Variants in PLEKHS1 observed in about 807,000 individuals in gnomAD.
PLEKHS1 encodes pleckstrin homology domain containing S1, also known as pleckstrin homology domain-containing family S member 1.
PLEKHS1 carries 55 observed loss-of-function variants against 51.0 expected under a neutral mutation model. That is an observed-to-expected ratio of 1.08 (90% CI 0.87 to 1.35). The LOEUF is 1.35. PLEKHS1 is among the 40% of genes most tolerant of loss of function. PLEKHS1 has a pLI of 0.00. For missense variants in PLEKHS1, 398 were observed against 423.0 expected, an observed-to-expected ratio of 0.94 and a Z score of 0.52; for synonymous variants, 153 against 144.8, an observed-to-expected ratio of 1.06 and a Z score of -0.41.
At chr10:113,755,286 C>G in exon 2 of PLEKHS1, 1 of 1,608,206 alleles carries the variant, frequency 6.2e-7, no homozygotes, top group Non-Finnish European at 8.5e-7. Flanking sequence ...TCATGGAACC[C>G]AAACCTCAGA....
In PLEKHS1 at chr10:113,769,821, A is replaced by G. The variant is rs768116936; in HGVS notation, c.473A>G (p.Tyr158Cys). 11 of 1,613,704 alleles carry G rather than the reference A, an allele frequency of 6.8e-6. No individual in the cohort carries two copies. Among genetic ancestry groups the G allele is most frequent in the Admixed American group, 3.3e-5 (2 of 59,970 alleles). Reference sequence around the variant, plus strand: ...TTGGGTAATAAAAGAACCCTCTTCTACTCCAGCCCTCTCCTTGGCCCTTCC... The same window carrying G: ...TTGGGTAATAAAAGAACCCTCTTCTGCTCCAGCCCTCTCCTTGGCCCTTCC... The change falls in exon 7 of 12, where the codon TAC (tyrosine) becomes TGC (cysteine). Residue 158 changes from tyrosine (Y) to cysteine (C), a missense_variant. By Grantham distance (194) the Tyr-to-Cys change is radical. Coordinates refer to ENST00000361048, the Ensembl canonical transcript of PLEKHS1.
intron 9 of PLEKHS1, 142 bp from the exon 10 acceptor site, chr10:113,774,684 G>C: frequency 1.4e-6 from 1 of 709,446 alleles, no homozygotes; most frequent in Non-Finnish European, 2.4e-6. Flanking sequence ...TGCTAGCTGT[G>C]GCTGTGATTC....
intron 11 of PLEKHS1, 41 bp from the exon 13 acceptor site, chr10:113,780,561 T>C: frequency 1.3e-6 from 2 of 1,571,504 alleles, no homozygotes; most frequent in Non-Finnish European, 1.7e-6. Flanking sequence ...ATCTTAAAGA[T>C]AATCTTTAGC....
At chr10:113,770,982 C>CT (rs1032097251) in intron 7 of PLEKHS1, among the ~76,000 whole-genome samples, 1 of 152,196 alleles carries the variant, frequency 6.6e-6, no homozygotes, top group African/African-American at 2.4e-5. Context: ...ATGGACAGAA[C>CT]TTAAACACAC....
intron 2 of PLEKHS1, among the ~76,000 whole-genome samples, chr10:113,758,551 G>A (rs1843776931): frequency 6.6e-6 from 1 of 152,182 alleles, no homozygotes; most frequent in Admixed American, 6.5e-5. Context: ...CACAAGTAGA[G>A]TAGATTTAGT....
At chr10:113,766,850 C>T (rs1844185646) in intron 4 of PLEKHS1, 132 bp downstream of exon 4, 1 of 662,636 alleles carries the variant, frequency 1.5e-6, no homozygotes, top group African/African-American at 1.9e-5. Flanking sequence ...ATATTTGTGA[C>T]TGAATAGGAG....
rs1213420117 is a variant in PLEKHS1 at position 113,780,642 on chromosome 10, C to G, written c.*40C>G. The G allele has an allele frequency of 3.1e-6, 5 of 1,613,936 alleles. No individual in the cohort carries two copies. In the African/African-American group the frequency reaches 6.7e-5, roughly 22 times the overall value. ...ATCGGCAGGATCCCAAATTCAGAGA[C>G]ATTCCATGCTGCATCCTGTATGTGT... is the stretch of plus-strand genomic sequence containing the variant. On this transcript the variant is annotated 3_prime_UTR_variant, in exon 12 of 12. Coordinates refer to ENST00000361048, the Ensembl canonical transcript of PLEKHS1.
intron 6 of PLEKHS1, 68 bp downstream of exon 6, chr10:113,768,958 G>T (rs1278812346): frequency 4.8e-6 from 6 of 1,252,194 alleles, no homozygotes; most frequent in Non-Finnish European, 6.7e-6. Flanking sequence ...GAAAACAATG[G>T]TAGCTTTCCT....
rs776090416 is a variant in PLEKHS1 at position 113,768,806 on chromosome 10, TG to T, written c.360-8del. On this transcript the variant is annotated splice_polypyrimidine_tract_variant and splice_region_variant and intron_variant, in intron 5 of 11. Transcript: ENST00000361048. ...CACATGCCAACTGAAAGTTTATTCC[TG>T]TCAACAGGGAGAAGATTAAAGACTG... The T allele has an allele frequency of 6.2e-7, 1 of 1,610,824 alleles. No individual in the cohort carries two copies. The highest frequency in any genetic ancestry group is 1.1e-5 in the South Asian group (1 of 90,372).
chr10:113,759,932 T>G (rs1564817213), intron 2 of PLEKHS1, among the ~76,000 whole-genome samples: 1 of 152,198 alleles, frequency 6.6e-6, no homozygotes, highest in South Asian at 2.1e-4. Flanking sequence ...TTTTGGCAAA[T>G]GTACACAGCC....
intron 10 of PLEKHS1, among the ~76,000 whole-genome samples, 154 bp downstream of exon 10, chr10:113,775,189 T>C (rs1844593477): frequency 6.6e-6 from 1 of 152,028 alleles, no homozygotes; most frequent in Admixed American, 6.6e-5. Context: ...TCATTGATGT[T>C]GTGGCCAAGG....
At chr10:113,762,748 ATGTTGCATGTGCCC>A (rs1843998501) in intron 2 of PLEKHS1, among the ~76,000 whole-genome samples, 1 of 152,010 alleles carries the variant, frequency 6.6e-6, no homozygotes, top group African/African-American at 2.4e-5. Flanking sequence ...ATATTAATAA[ATGTTGCATGTGCCC>A]TTGAGAAGAA....
intron 1 of PLEKHS1, among the ~76,000 whole-genome samples, chr10:113,753,322 A>G (rs1291687418): frequency 6.6e-6 from 1 of 152,172 alleles, no homozygotes; most frequent in Admixed American, 6.5e-5. Context: ...ACTGGAAAGA[A>G]CCTCATGGAT....
At chr10:113,755,188 C>T in intron 1 of PLEKHS1, 71 bp from the exon 2 acceptor site, 1 of 1,505,996 alleles carries the variant, frequency 6.6e-7, no homozygotes, top group Non-Finnish European at 8.9e-7. Context: ...TACTCACTGA[C>T]CAGCGGTGGC....
chr10:113,777,036 G>T, intron 11 of PLEKHS1, 88 bp from the exon 12 acceptor site: 1 of 1,487,296 alleles, frequency 6.7e-7, no homozygotes, highest in Non-Finnish European at 9.2e-7. Flanking sequence ...GTGGTGCCAC[G>T]TGACCTAGAA....
At chr10:113,777,461 C>A in intron 11 of PLEKHS1, 2 of 1,599,318 alleles carry the variant, frequency 1.3e-6, no homozygotes, top group Non-Finnish European at 1.7e-6. Context: ...AGGCACTGAG[C>A]TAAGAGACAG....
chr10:113,777,583 T>C (rs1255497115), intron 11 of PLEKHS1: 1 of 1,550,446 alleles, frequency 6.4e-7, no homozygotes, highest in Admixed American at 2.0e-5. Flanking sequence ...TGTGCCTCAG[T>C]TTTCTTTTCT....
chr10:113,775,150 C>T, intron 10 of PLEKHS1, 115 bp downstream of exon 10: 1 of 959,298 alleles, frequency 1.0e-6, no homozygotes, highest in Non-Finnish European at 1.5e-6. Context: ...ATCTCCAAGT[C>T]AGCCAAAAAC....
chr10:113,782,618 A>C (rs976082134), downstream of PLEKHS1: 2 of 152,186 alleles, frequency 1.3e-5, no homozygotes, highest in South Asian at 2.1e-4. Context: ...CTGGTTGTTT[A>C]AAAGTGTGCA....
Sources: allele counts gnomAD v4.1 joint callset (sites outside exome capture counted in the v4.1 genomes callset), GRCh38; gene constraint gnomAD v4.1.1; transcripts MANE v1.5; gene names NCBI Gene and HGNC (gene_info 2026-07-23, HGNC 2026-07-21).